Variants in HR observed in about 807,000 individuals in gnomAD.
HR encodes the protein lysine-specific demethylase hairless.
Under a neutral mutation model 128.6 loss-of-function variants are expected in HR, and 83 were observed. The observed-to-expected ratio is 0.65, with a 90% CI of 0.54 to 0.77. The LOEUF (loss-of-function observed/expected upper bound fraction) is 0.77, where lower values mean the gene tolerates loss of function less well. HR is among the 30% of genes least tolerant of loss of function. The pLI, the probability that HR is intolerant of heterozygous loss-of-function variation, is 0.00. For synonymous variants in HR, 681 were observed against 658.2 expected, an observed-to-expected ratio of 1.03 and a Z score of -0.53; for missense variants, 1,490 against 1,574.6, an observed-to-expected ratio of 0.95 and a Z score of 0.91.
Position 22,119,829 on chromosome 8 carries a change from TGA to T in HR, c.2906_2907del (p.Leu969GlnfsTer175). 6.2e-7 allele frequency: 1 copy of T among 1,613,642 alleles called. No individual in the cohort carries two copies. Among genetic ancestry groups the T allele is most frequent in the Non-Finnish European group, 8.5e-7 (1 of 1,179,878 alleles). Reference sequence around the variant, plus strand: ...CCCGGTGGGAGGTAGGAAGCCAGGTTGAGTTTTCCATGGAGGGCGCAGTACTC... The same window carrying T: ...CCCGGTGGGAGGTAGGAAGCCAGGTTGTTTTCCATGGAGGGCGCAGTACTC... ...LPEYCALHGK[L>X]NLASYLPPGL... On this transcript the variant is annotated frameshift_variant, in exon 14 of 19. Transcript: ENST00000381418. LOFTEE classifies it high-confidence loss of function.
chr8:22,128,951 G>A lies in HR; in HGVS notation c.220C>T (p.Pro74Ser), dbSNP rs2131769438. ...GFPQGPKDML[P>S]LVEGEGPQNG... is the part of the protein sequence containing the mutation. ...TGGGGGCCCTCGCCCTCCACAAGTGGGAGCATGTCCTTGGGGCCCTGGGGG... is the reference window on the plus strand; with the variant it reads ...TGGGGGCCCTCGCCCTCCACAAGTGAGAGCATGTCCTTGGGGCCCTGGGGG... Residue 74 changes from proline to serine, a missense_variant, in exon 2 of 19, where the codon CCA (proline) becomes TCA (serine). Pro to Ser is a moderately conservative substitution (Grantham distance 74, BLOSUM62 -1). Coordinates refer to ENST00000381418, the MANE Select transcript of HR (RefSeq NM_005144.5). The A allele has an allele frequency of 1.2e-6, 2 of 1,613,452 alleles. No homozygotes were observed. Among genetic ancestry groups the A allele is most frequent in the African/African-American group, 2.7e-5 (2 of 75,066 alleles).
intron 3 of HR, 113 bp downstream of exon 3, chr8:22,126,924 C>G: frequency 9.3e-7 from 1 of 1,076,072 alleles, no homozygotes; most frequent in Non-Finnish European, 1.3e-6. Flanking sequence ...AGGTGGGAGC[C>G]TGACCACTGG....
chr8:22,129,341 A>C, intron 1 of HR, 131 bp from the exon 2 acceptor site: 1 of 657,198 alleles, frequency 1.5e-6, no homozygotes, highest in South Asian at 2.7e-5. Context: ...CCAGCCCACA[A>C]CTGGGCACCA....
intron 8 of HR, among the ~76,000 whole-genome samples, chr8:22,122,266 G>A (rs1436413362): frequency 1.3e-5 from 2 of 152,086 alleles, no homozygotes; most frequent in East Asian, 1.9e-4. Flanking sequence ...CACAGAGTAG[G>A]GTGGATATGC....
intron 16 of HR, chr8:22,118,495 G>T (rs192202042): frequency 1.9e-4 from 35 of 182,872 alleles, no homozygotes; most frequent in Admixed American, 6.0e-4. Context: ...TCAGAAGGCA[G>T]AGGAGGCTGC....
In HR at chr8:22,127,017, GCCCCTCCT is replaced by G; in HGVS notation, c.1405+12_1405+19del. The G allele has an allele frequency of 6.2e-7, 1 of 1,603,744 alleles. No homozygotes were observed. The highest frequency in any genetic ancestry group is 1.1e-5 in the South Asian group (1 of 90,372). On this transcript the variant is annotated intron_variant, in intron 3 of 18. Transcript: ENST00000381418. The stretch of plus-strand genomic sequence containing the variant: ...TGCCCCCTCCCACGCAGGGCCTGCA[GCCCCTCCT>G]GGCCCCCTTACCTTTCTGCTCATCA...
Position 22,120,170 on chromosome 8 carries a change from C to T in HR, c.2780G>A (p.Arg927His), listed in dbSNP as rs202198895. 6.1e-5 allele frequency: 97 copies of T among 1,593,026 alleles called. No individual in the cohort carries two copies. In the East Asian group the frequency reaches 1.2e-3, roughly 20 times the overall value. Residue 927 changes from arginine to histidine, a missense_variant, in exon 13 of 19, where the codon CGC (arginine) becomes CAC (histidine). By Grantham distance (29) the Arg-to-His change is conservative. Transcript: ENST00000381418. Reference sequence around the variant, plus strand: ...GACAGAGCCCTCGTCTGACTTTGGGCGAACTACAGGAGGAGACAGAACGGC... The same window carrying T: ...GACAGAGCCCTCGTCTGACTTTGGGTGAACTACAGGAGGAGACAGAACGGC... ...FWEGFSWPEL[R>H]PKSDEGSVLL... is the part of the protein sequence containing the mutation.
intron 5 of HR, among the ~76,000 whole-genome samples, chr8:22,124,805 G>A (rs1826843404): frequency 6.6e-6 from 1 of 152,170 alleles, no homozygotes; most frequent in Admixed American, 6.5e-5. Context: ...TGGATGGCGT[G>A]TGTGCTGGGA....
chr8:22,125,970 G>C (rs1382710141), intron 3 of HR, among the ~76,000 whole-genome samples: 2 of 152,224 alleles, frequency 1.3e-5, no homozygotes, highest in Non-Finnish European at 2.9e-5. Flanking sequence ...CGAAGAGGTT[G>C]TCTGGTGTGT....
At chr8:22,118,668 C>T (rs1826651781) in intron 16 of HR, 5 of 520,494 alleles carry the variant, frequency 9.6e-6, no homozygotes, top group Admixed American at 6.5e-5. Context: ...ATAATTGTGC[C>T]TAAGGCCCTA....
chr8:22,126,528 A>G (rs1293134761), intron 3 of HR, among the ~76,000 whole-genome samples: 1 of 152,198 alleles, frequency 6.6e-6, no homozygotes, highest in Non-Finnish European at 1.5e-5. Context: ...GCAATCCCCA[A>G]ACAGGGATTT....
chr8:22,129,718 G>A (rs1276723771), intron 1 of HR, among the ~76,000 whole-genome samples: 1 of 152,216 alleles, frequency 6.6e-6, no homozygotes, highest in African/African-American at 2.4e-5. Context: ...CTAGCCTACA[G>A]CCCCAGCCAG....
chr8:22,126,115 G>A (rs1826882965), intron 3 of HR, among the ~76,000 whole-genome samples: 4 of 152,216 alleles, frequency 2.6e-5, no homozygotes, highest in Admixed American at 1.3e-4. Context: ...CAATCCCAAC[G>A]TGGACGGAGG....
intron 5 of HR, 21 bp from the exon 6 acceptor site, chr8:22,123,834 AG>A: frequency 6.3e-7 from 1 of 1,586,576 alleles, no homozygotes; most frequent in Non-Finnish European, 8.5e-7. Flanking sequence ...CGGAGAGAAC[AG>A]GGTCAGAGGG....
At position 22,125,714 on chromosome 8, in the gene HR, G is replaced by A; in HGVS notation, c.1424C>T (p.Ala475Val). 6.2e-7 allele frequency: 1 copy of A among 1,613,894 alleles called. No homozygotes were observed. The highest frequency in any genetic ancestry group is 8.5e-7 in the Non-Finnish European group (1 of 1,180,006). ...CTGAAGTCCCGGGTCCTGGAGACTG[G>A]CCTGGCCATCTTGGGGTCCTGAGGG... ...DEQKGPQDGQ[A>V]SLQDPGLQDI... Residue 475 changes from alanine to valine, a missense_variant, in exon 4 of 19, where the codon GCC (alanine) becomes GTC (valine). Around this residue, in one of 3 missense-constraint regions of HR, gnomAD observed 1,060 missense variants for 1,060.9 expected, o/e 1.00. Coordinates refer to ENST00000381418, the MANE Select transcript of HR (RefSeq NM_005144.5).
chr8:22,125,653 A>G lies in HR; in HGVS notation c.1485T>C (p.Ala495=). 2.5e-6 allele frequency: 4 copies of G among 1,613,176 alleles called. No homozygotes were observed. Among genetic ancestry groups the G allele is most frequent in the Non-Finnish European group, 3.4e-6 (4 of 1,179,796 alleles). The change falls in exon 4 of 19, where the codon GCT becomes GCC. Residue 495 remains alanine, a synonymous_variant. Coordinates refer to ENST00000381418, the MANE Select transcript of HR (RefSeq NM_005144.5). The part of the protein sequence containing the change: ...IPCLALPAKL[A]QCQSCAQAAG... ...CTGCCTGGGCACAACTTTGGCATTGAGCCAGTTTTGCAGGGAGAGCCAGGC... is the reference window on the plus strand; with the variant it reads ...CTGCCTGGGCACAACTTTGGCATTGGGCCAGTTTTGCAGGGAGAGCCAGGC...
chr8:22,123,617 T>TTGGGGGGGCCC, intron 6 of HR, 32 bp downstream of exon 6: 21 of 292,086 alleles, frequency 7.2e-5, no homozygotes, highest in Non-Finnish European at 1.0e-4. Context: ...GAGGGCTCCA[T>TTGGGGGGGCCC]CCCGCCCTCC....
At chr8:22,119,325 A>G in intron 14 of HR, 42 bp from the exon 15 acceptor site, 1 of 1,612,394 alleles carries the variant, frequency 6.2e-7, no homozygotes. Context: ...ATGGAATCAG[A>G]GAGCCAGGCG....
Position 22,128,307 on chromosome 8 carries a change from C to G in HR, c.612+252G>C, listed in dbSNP as rs1339638407. ...ATTCCAAGGCCACAGTTCCCAGGAC[C>G]TTATCCTAGGCAGACAATGGGTGAG... is the stretch of plus-strand genomic sequence containing the variant. On this transcript the variant is annotated intron_variant, in intron 2 of 18. Transcript: ENST00000381418. The G allele has an allele frequency of 6.7e-6, 4 of 599,062 alleles. No individual in the cohort carries two copies. In the East Asian group the frequency reaches 1.1e-4, roughly 17 times the overall value. The allele number at this position is 599,062 out of a possible 1,614,324, so 37.1% of individuals were successfully genotyped here.
Sources: gnomAD v4.1 joint callset for allele counts (sites outside exome capture counted in the v4.1 genomes callset) on GRCh38, gnomAD v4.1.1 for gene constraint, gnomAD v4.1.1 regional missense constraint, MANE v1.5 for transcripts, NCBI Gene and HGNC (gene_info 2026-07-23, HGNC 2026-07-21) for gene names.